The following CACNB4 variants were observed in gnomAD, a reference collection of about 807,000 sequenced individuals.
CACNB4 encodes voltage-dependent L-type calcium channel subunit beta-4.
CACNB4 carries 32 observed loss-of-function variants against 71.2 expected under a neutral mutation model. The ratio of observed to expected loss-of-function variants is 0.45; its 90% confidence interval spans 0.34 to 0.60. The LOEUF (loss-of-function observed/expected upper bound fraction) is 0.60, where lower values mean the gene tolerates loss of function less well. Among genes scored for constraint, CACNB4 ranks in the 20% least tolerant of loss-of-function variants. CACNB4 has a pLI of 0.01. For missense variants in CACNB4, 464 were observed against 647.9 expected (o/e 0.72, Z 3.08); for synonymous variants, 231 against 236.9 (o/e 0.97, Z 0.23).
intron 2 of CACNB4, among the ~76,000 whole-genome samples, chr2:152,003,406 A>G (rs1033256457): frequency 9.9e-5 from 15 of 151,964 alleles, no homozygotes; most frequent in African/African-American, 3.6e-4. Flanking sequence ...AGATTGTGCC[A>G]CTGCACTCCA....
At chr2:151,928,839 G>C (rs192257425) in intron 2 of CACNB4, among the ~76,000 whole-genome samples, 1 of 151,684 alleles carries the variant, frequency 6.6e-6, no homozygotes, top group African/African-American at 2.4e-5. Context: ...TTGAACCTGG[G>C]AGGCAGAGGT....
In CACNB4 at chr2:151,855,188, C is replaced by T. The variant is rs755945703; in HGVS notation, c.1020+36G>A. ...GAGCAAAACACATTTTTAAAAGATGCACTTCTAAACCTTAAGGCAGAAAGG... is the reference window on the plus strand; with the variant it reads ...GAGCAAAACACATTTTTAAAAGATGTACTTCTAAACCTTAAGGCAGAAAGG... On this transcript the variant is annotated intron_variant, in intron 11 of 13. Transcript: ENST00000539935. 4 of 1,421,716 alleles carry T rather than the reference C, an allele frequency of 2.8e-6. No individual in the cohort carries two copies. In the Admixed American group the frequency reaches 6.1e-5, roughly 22 times the overall value. 88.1% of individuals were successfully genotyped at this position (1,421,716 alleles called of 1,614,324 possible). A position where few individuals can be genotyped will look rare whatever the true frequency, so the allele number is the denominator to read the frequency against.
At chr2:152,073,747 C>T (rs1686832589) in intron 2 of CACNB4, among the ~76,000 whole-genome samples, 2 of 152,192 alleles carry the variant, frequency 1.3e-5, no homozygotes, top group South Asian at 2.1e-4. Context: ...TTCTCCACTG[C>T]CAGCTGTGTT....
chr2:151,973,247 T>C (rs1257140050), intron 2 of CACNB4: 1 of 160,592 alleles, frequency 6.2e-6, no homozygotes, highest in Non-Finnish European at 1.4e-5. Context: ...AGCCACAGCT[T>C]AGGAACTTCC....
At chr2:152,069,116 C>T in intron 2 of CACNB4, among the ~76,000 whole-genome samples, 1 of 152,140 alleles carries the variant, frequency 6.6e-6, no homozygotes, top group East Asian at 1.9e-4. Flanking sequence ...AAATGCTTCC[C>T]CCTACCGCTG....
intron 2 of CACNB4, among the ~76,000 whole-genome samples, chr2:151,956,769 G>C (rs1157827974): frequency 1.3e-5 from 2 of 152,150 alleles, no homozygotes; most frequent in African/African-American, 4.8e-5. Context: ...AGGCGAGGAG[G>C]GAGACTAACA....
chr2:152,037,868 C>T (rs905465444), intron 2 of CACNB4, among the ~76,000 whole-genome samples: 1 of 152,128 alleles, frequency 6.6e-6, no homozygotes, highest in African/African-American at 2.4e-5. Flanking sequence ...CTGCTCCCCC[C>T]TCATCCTTGG....
intron 2 of CACNB4, among the ~76,000 whole-genome samples, chr2:152,069,351 G>A (rs1686531886): frequency 6.6e-6 from 1 of 152,166 alleles, no homozygotes; most frequent in Non-Finnish European, 1.5e-5. Context: ...TTGGAGGGCA[G>A]GGGAGGAGTA....
Position 152,039,212 on chromosome 2 carries a change from T to A in CACNB4, c.147+59118A>T, listed in dbSNP as rs983431115. ...GGCCGATGGATCACGAGGTCAGGAGTTCAAGACCAGACTGGCCAAGATGGT... is the reference window on the plus strand; with the variant it reads ...GGCCGATGGATCACGAGGTCAGGAGATCAAGACCAGACTGGCCAAGATGGT... On this transcript the variant is annotated intron_variant, in intron 2 of 13. Coordinates refer to ENST00000539935, the MANE Select transcript of CACNB4 (RefSeq NM_000726.5). Among the ~76,000 whole-genome samples the A allele has an allele frequency of 4.7e-5, 7 of 150,374 alleles. No individual in the cohort carries two copies. The East Asian group carries it at 9.8e-4, about 21-fold the overall frequency.
chr2:151,919,303 C>T (rs1171410668), intron 2 of CACNB4, among the ~76,000 whole-genome samples: 1 of 152,186 alleles, frequency 6.6e-6, no homozygotes. Flanking sequence ...ACAGTCATAG[C>T]TCACTGCAGC....
chr2:151,993,753 C>T (rs1048626477), intron 2 of CACNB4, among the ~76,000 whole-genome samples: 6 of 151,414 alleles, frequency 4.0e-5, no homozygotes, highest in South Asian at 4.2e-4. Context: ...TCAGTAGAGA[C>T]GGGGTTTCAC....
intron 6 of CACNB4, chr2:151,871,764 C>T (rs2099844695): frequency 6.6e-6 from 1 of 152,636 alleles, no homozygotes; most frequent in African/African-American, 2.4e-5. Flanking sequence ...CACTGGATGC[C>T]CTAATGCAAC....
intron 2 of CACNB4, among the ~76,000 whole-genome samples, chr2:151,992,862 T>C (rs1681787046): frequency 6.6e-6 from 1 of 152,234 alleles, no homozygotes; most frequent in African/African-American, 2.4e-5. Flanking sequence ...AAAGTCAAGG[T>C]TAAGCCATGT....
At chr2:151,945,457 G>A (rs1165822273) in intron 2 of CACNB4, among the ~76,000 whole-genome samples, 3 of 151,936 alleles carry the variant, frequency 2.0e-5, no homozygotes, top group Admixed American at 6.6e-5. Flanking sequence ...GCTTGAGCCC[G>A]GGAGTTCAAG....
chr2:152,076,218 C>T (rs1687006461), intron 2 of CACNB4, among the ~76,000 whole-genome samples: 1 of 142,450 alleles, frequency 7.0e-6, no homozygotes. Context: ...TCTCGGCTCA[C>T]TGCAACCTCT....
intron 2 of CACNB4, among the ~76,000 whole-genome samples, chr2:151,984,162 ATTGC>A (rs1681197265): frequency 1.3e-5 from 2 of 152,156 alleles, no homozygotes; most frequent in Non-Finnish European, 2.9e-5. Flanking sequence ...AAACCTACGA[ATTGC>A]TTGAACATGG....
chr2:151,933,586 G>A (rs764047057), intron 2 of CACNB4, among the ~76,000 whole-genome samples: 11 of 152,164 alleles, frequency 7.2e-5, no homozygotes, highest in Non-Finnish European at 1.3e-4. Flanking sequence ...ACTCAAAGCT[G>A]GGTCTGAGCA....
At chr2:151,916,898 C>T (rs1283800575) in intron 2 of CACNB4, among the ~76,000 whole-genome samples, 10 of 152,206 alleles carry the variant, frequency 6.6e-5, no homozygotes, top group Admixed American at 6.5e-4. Flanking sequence ...AAACACCCTG[C>T]AATGCACAGG....
chr2:151,861,373 T>G (rs2099841595), intron 9 of CACNB4: 1 of 152,318 alleles, frequency 6.6e-6, no homozygotes, highest in Non-Finnish European at 1.5e-5. Context: ...ATACTTCATT[T>G]ATAAGAATGT....
Sources: allele counts gnomAD v4.1 joint callset (sites outside exome capture counted in the v4.1 genomes callset), GRCh38; gene constraint gnomAD v4.1.1; transcripts MANE v1.5; gene names NCBI Gene and HGNC (gene_info 2026-07-23, HGNC 2026-07-21).